The following TPTE2 variants were observed in gnomAD, a reference collection of about 807,000 sequenced individuals.
The protein encoded by TPTE2 is transmembrane phosphoinositide 3-phosphatase and tensin homolog 2, also known as phosphatidylinositol 3,4,5-trisphosphate 3-phosphatase TPTE2.
In TPTE2, 53 loss-of-function variants were observed where a neutral mutation model predicts 78.6. The ratio of observed to expected loss-of-function variants is 0.67; its 90% CI spans 0.54 to 0.85. The LOEUF (loss-of-function observed/expected upper bound fraction) is 0.85. Among genes scored for constraint, TPTE2 ranks in the 40% least tolerant of loss-of-function variants. TPTE2 has a pLI of 0.00. For missense variants in TPTE2, 461 were observed against 623.0 expected, an observed-to-expected ratio of 0.74 and a Z score of 2.77; for synonymous variants, 175 against 206.2, an observed-to-expected ratio of 0.85 and a Z score of 1.30.
chr13:19,458,902 A>C (rs952133584), intron 10 of TPTE2, among the ~76,000 whole-genome samples: 3 of 152,180 alleles, frequency 2.0e-5, no homozygotes, highest in African/African-American at 7.2e-5. Context: ...TATTTTTATA[A>C]GACAATGATT....
At chr13:19,506,942 G>A (rs554078439), upstream of TPTE2, among the ~76,000 whole-genome samples, 1 of 152,158 alleles carries the variant, frequency 6.6e-6, no homozygotes, top group East Asian at 1.9e-4. Flanking sequence ...AGAAGAAGTA[G>A]ACTTCTTGTG....
In TPTE2 at chr13:19,527,033, T is replaced by C. The variant is rs1367956942; in HGVS notation, c.-44+9563A>G. Among the ~76,000 whole-genome samples, 4 of 151,374 alleles carry C rather than the reference T, an allele frequency of 2.6e-5. No homozygotes were observed. In the East Asian group the frequency reaches 7.8e-4, roughly 29 times the overall value. ...ATAAACATTAAAAAAAGGCCGGGCG[T>C]GGTGGCTCATGCCTGTAATCCCAGC... is the stretch of plus-strand genomic sequence containing the variant. On this transcript the variant is annotated intron_variant, in intron 1 of 17. Coordinates refer to the TPTE2 transcript ENST00000390680.
At chr13:19,504,974 C>A (rs1868903138), upstream of TPTE2, among the ~76,000 whole-genome samples, 1 of 151,974 alleles carries the variant, frequency 6.6e-6, no homozygotes, top group Non-Finnish European at 1.5e-5. Flanking sequence ...GTGGTTCTAT[C>A]ACAGGTCATT....
Position 19,535,472 on chromosome 13 carries a change from G to C in TPTE2, c.-44+1124C>G, listed in dbSNP as rs973570599. On this transcript the variant is annotated intron_variant, in intron 1 of 17. Transcript: ENST00000390680. This position sits in a 1 kb window ranked among gnomAD's most constrained non-coding sequence, Gnocchi z 5.1. ...AAACACCAATGGTCATCCCCTAAGA[G>C]GGTAAATGCACCTGCCTTTTCTAAA... Among the ~76,000 whole-genome samples the C allele has an allele frequency of 2.0e-5, 3 of 151,674 alleles. No individual in the cohort carries two copies. Among genetic ancestry groups the C allele is most frequent in the African/African-American group, 7.3e-5 (3 of 41,316 alleles).
Position 19,518,567 on chromosome 13 carries a change from T to A in TPTE2, c.-43-15290A>T, listed in dbSNP as rs189690375. Among the ~76,000 whole-genome samples the A allele has an allele frequency of 5.1e-3, 779 of 152,300 alleles. 4 individuals are homozygous for A. Among genetic ancestry groups the A allele is most frequent in the Non-Finnish European group, 7.2e-3 (492 of 68,006 alleles). On this transcript the variant is annotated intron_variant, in intron 1 of 17. Coordinates refer to the TPTE2 transcript ENST00000390680. ...AAAACTACAATAAGAAACCATTAGA[T>A]ACCTATTAGAATATCTAAAATTTGA...
At chr13:19,485,504 T>G (rs1880614573) in intron 3 of TPTE2, among the ~76,000 whole-genome samples, 1 of 152,164 alleles carries the variant, frequency 6.6e-6, no homozygotes, top group African/African-American at 2.4e-5. Flanking sequence ...TTTTCACAAT[T>G]TGACTATAAT....
At chr13:19,500,409 C>T (rs2137665973) in intron 1 of TPTE2, among the ~76,000 whole-genome samples, 1 of 152,140 alleles carries the variant, frequency 6.6e-6, no homozygotes, top group African/African-American at 2.4e-5. Flanking sequence ...CAATACAATA[C>T]TGGCAAACCG....
At chr13:19,560,499 C>G in the TPTE2 span, 7 of 1,590,386 alleles carry the variant, frequency 4.4e-6, no homozygotes, top group Non-Finnish European at 5.2e-6. Context: ...TTCATACTCT[C>G]TGCAGTACTG....
In TPTE2 at chr13:19,532,276, GT is replaced by G. The variant is rs139903165; in HGVS notation, c.-44+4319del. On this transcript the variant is annotated intron_variant, in intron 1 of 17. Transcript: ENST00000390680. Reference sequence around the variant, plus strand: ...CCTCCAAAACTTAGGTCTTGCTAATGTGATGGTATTAAGAGGTGGGGCCTTT... The same window carrying G: ...CCTCCAAAACTTAGGTCTTGCTAATGGATGGTATTAAGAGGTGGGGCCTTT... Among the ~76,000 whole-genome samples, 1,053 of 152,280 alleles carry G rather than the reference GT, an allele frequency of 6.9e-3. 11 individuals carry two copies. The highest frequency in any genetic ancestry group is 0.024 in the African/African-American group (1,005 of 41,548).
At chr13:19,541,253 T>G (rs1037763334), upstream of TPTE2, among the ~76,000 whole-genome samples, 6 of 152,210 alleles carry the variant, frequency 3.9e-5, no homozygotes, top group Non-Finnish European at 8.8e-5. Context: ...TTCTATAACA[T>G]AACATAATCA....
intron 17 of TPTE2, among the ~76,000 whole-genome samples, chr13:19,428,612 G>A (rs933613602): frequency 1.3e-5 from 2 of 151,710 alleles, no homozygotes; most frequent in African/African-American, 4.8e-5. Flanking sequence ...CAAGTCCCAG[G>A]CTCTACAAAA....
At chr13:19,455,299 GAGAATAAGGT>G (rs1878472033) in intron 10 of TPTE2, among the ~76,000 whole-genome samples, 1 of 152,200 alleles carries the variant, frequency 6.6e-6, no homozygotes. Flanking sequence ...TTCCCTGCCT[GAGAATAAGGT>G]AGAATCATTC....
chr13:19,447,775 A>C (rs1252612227), intron 13 of TPTE2, among the ~76,000 whole-genome samples: 3 of 152,208 alleles, frequency 2.0e-5, no homozygotes, highest in Non-Finnish European at 4.4e-5. Flanking sequence ...AACCTGAATG[A>C]GAGAAAATCT....
At chr13:19,444,833 G>A (rs1877725946) in intron 13 of TPTE2, among the ~76,000 whole-genome samples, 1 of 152,154 alleles carries the variant, frequency 6.6e-6, no homozygotes, top group Non-Finnish European at 1.5e-5. Flanking sequence ...TCAATGAACA[G>A]AATAGAAAGG....
chr13:19,463,544 T>C (rs1342492674), intron 10 of TPTE2, among the ~76,000 whole-genome samples: 1 of 152,222 alleles, frequency 6.6e-6, no homozygotes, highest in East Asian at 1.9e-4. Context: ...AGGTGTAATG[T>C]TTCCTTGCTT....
At chr13:19,492,280 C>A (rs1593394087) in intron 3 of TPTE2, among the ~76,000 whole-genome samples, 1 of 152,088 alleles carries the variant, frequency 6.6e-6, no homozygotes, top group East Asian at 1.9e-4. Flanking sequence ...TGGGTTGGGT[C>A]TAGGCACCAA....
At chr13:19,439,407 G>A (rs77365947) in intron 13 of TPTE2, among the ~76,000 whole-genome samples, 2 of 151,808 alleles carry the variant, frequency 1.3e-5, no homozygotes, top group African/African-American at 4.8e-5. Context: ...AGGGAGAAGG[G>A]AAAGGGAAAG....
At chr13:19,426,646 A>C in intron 17 of TPTE2, 129 bp from the exon 21 acceptor site, 1 of 551,716 alleles carries the variant, frequency 1.8e-6, no homozygotes. Flanking sequence ...CTACATGCAT[A>C]AATAATTATT....
intron 13 of TPTE2, among the ~76,000 whole-genome samples, chr13:19,442,199 T>G (rs1401429526): frequency 6.6e-6 from 1 of 151,852 alleles, no homozygotes; most frequent in African/African-American, 2.4e-5. Flanking sequence ...CTAAACAAAT[T>G]TCAAAGAACT....
Sources: gnomAD v4.1 joint callset for allele counts (sites outside exome capture counted in the v4.1 genomes callset) on GRCh38, gnomAD v4.1.1 for gene constraint, Gnocchi (gnomAD v3.1) non-coding constraint, MANE v1.5 for transcripts, NCBI Gene and HGNC (gene_info 2026-07-23, HGNC 2026-07-21) for gene names.